C4orf50: variants seen among roughly 807,000 people sequenced by gnomAD.
The protein encoded by C4orf50 is uncharacterized protein C4orf50.
Under a neutral mutation model 77.2 loss-of-function variants are expected in C4orf50, and 80 were observed. The observed-to-expected ratio is 1.04, with a 90% CI of 0.87 to 1.25. The LOEUF is 1.25. Ranked by LOEUF, C4orf50 falls within the 50% of genes most tolerant of loss-of-function variation. The probability of loss-of-function intolerance (pLI) is 0.00; values close to 1 mark genes in which losing one functional copy is unlikely to be tolerated. For synonymous variants in C4orf50, 532 were observed against 465.3 expected, an observed-to-expected ratio of 1.14 and a Z score of -1.84; for missense variants, 1,257 against 1,152.9, an observed-to-expected ratio of 1.09 and a Z score of -1.31.
At chr4:5,967,386 G>A (rs9997727) in intron 32 of C4orf50, 28 bp downstream of exon 10, 1,036,282 of 1,595,050 alleles carry the variant, frequency 0.65, 343,763 homozygotes, top group Non-Finnish European at 0.67. Context: ...GAGCACACAG[G>A]CTTTTCCTGA....
chr4:5,993,396 A>G (rs757636238), intron 26 of C4orf50, among the ~76,000 whole-genome samples: 23 of 152,210 alleles, frequency 1.5e-4, no homozygotes, highest in Non-Finnish European at 2.6e-4. Context: ...TATGGAGGAT[A>G]ATACCATCCC....
At position 5,971,467 on chromosome 4, in the gene C4orf50, C is replaced by T. The variant is rs16837948; in HGVS notation, c.4104+2192G>A. On this transcript the variant is annotated intron_variant, in intron 31 of 33. Transcript: ENST00000531445. ...AGCCAGCCTGGAGCTCTCTGAATTTCTGAAACACATCACAATTTTTTTTTT... is the reference window on the plus strand; with the variant it reads ...AGCCAGCCTGGAGCTCTCTGAATTTTTGAAACACATCACAATTTTTTTTTT... Among the ~76,000 whole-genome samples the T allele has an allele frequency of 6.5e-3, 989 of 152,124 alleles. 8 individuals are homozygous for T. The highest frequency in any genetic ancestry group is 0.022 in the African/African-American group (926 of 41,488).
At chr4:5,963,622 A>C (rs1355426688) in intron 33 of C4orf50, among the ~76,000 whole-genome samples, 1 of 152,232 alleles carries the variant, frequency 6.6e-6, no homozygotes, top group Non-Finnish European at 1.5e-5. Context: ...GAGACAGGAA[A>C]GAATCCATGG....
intron 25 of C4orf50, among the ~76,000 whole-genome samples, chr4:5,996,923 A>C (rs1721616977): frequency 6.6e-6 from 1 of 152,186 alleles, no homozygotes; most frequent in Non-Finnish European, 1.5e-5. Flanking sequence ...TTCCCACTCA[A>C]CCAGAATTGC....
At chr4:5,965,274 C>CA (rs1553916444) in intron 32 of C4orf50, 129 bp from the exon 11 acceptor site, 3 of 901,384 alleles carry the variant, frequency 3.3e-6, no homozygotes, top group South Asian at 1.9e-5. Flanking sequence ...TTCCATGCCC[C>CA]GGGGCAGAGG....
At chr4:5,937,502 T>C (rs1220840439) in intron 7 of C4orf50, among the ~76,000 whole-genome samples, 1 of 152,078 alleles carries the variant, frequency 6.6e-6, no homozygotes, top group African/African-American at 2.4e-5. Context: ...AAAGGCAGGG[T>C]AAACAGTAAG....
intron 25 of C4orf50, among the ~76,000 whole-genome samples, chr4:6,004,021 GATAAT>G (rs1722021947): frequency 5.7e-5 from 7 of 122,416 alleles, no homozygotes; most frequent in African/African-American, 9.5e-5. Flanking sequence ...ATGTGATGGT[GATAAT>G]GTGATAGTGA....
At position 5,970,417 on chromosome 4, in the gene C4orf50, A is replaced by G. The variant is rs892662598; in HGVS notation, c.4105-2955T>C. On this transcript the variant is annotated intron_variant, in intron 31 of 33. Transcript: ENST00000531445. This position sits in a 1 kb window ranked among gnomAD's most constrained non-coding sequence, Gnocchi z 4.3. ...CAGGCTGACCTCGTGGGATTTCCCC[A>G]TCCCCAAAACAGGCACCTGAGCTGG... Among the ~76,000 whole-genome samples, 3 of 152,172 alleles carry G rather than the reference A, an allele frequency of 2.0e-5. No individual in the cohort carries two copies. The highest frequency in any genetic ancestry group is 4.4e-5 in the Non-Finnish European group (3 of 68,024).
chr4:5,953,960 C>T (rs1718839358), downstream of C4orf50, among the ~76,000 whole-genome samples: 1 of 152,246 alleles, frequency 6.6e-6, no homozygotes, highest in South Asian at 2.1e-4. Flanking sequence ...ATTTCAGCCC[C>T]TTCTGCCCTT....
At chr4:5,967,081 T>G (rs1276742308) in intron 32 of C4orf50, among the ~76,000 whole-genome samples, 1 of 152,256 alleles carries the variant, frequency 6.6e-6, no homozygotes, top group African/African-American at 2.4e-5. Flanking sequence ...TGAGGGTTCC[T>G]CCCAGTTTTT....
chr4:5,994,458 G>A lies in C4orf50; in HGVS notation c.982C>T (p.Gln328Ter), dbSNP rs927673102. ...CTGGGCAGGGGCAGTGAGTCACCCT[G>A]AACACAGCCCAGAGCATCCTGGAGG... Residue 328 changes from glutamine to a stop codon, truncating the protein, a stop_gained, in exon 26 of 34, where the codon CAG (glutamine) becomes TAG (stop). Coordinates refer to ENST00000531445, the Ensembl canonical transcript of C4orf50. LOFTEE classifies it high-confidence loss of function. 2.5e-6 allele frequency: 1 copy of A among 399,298 alleles called. No individual in the cohort carries two copies. Among genetic ancestry groups the A allele is most frequent in the Non-Finnish European group, 4.4e-6 (1 of 226,312 alleles). The allele number at this position is 399,298 out of a possible 1,614,324, so 24.7% of individuals were successfully genotyped here. A position where few individuals can be genotyped will look rare whatever the true frequency, so the allele number is the denominator to read the frequency against.
intron 7 of C4orf50, among the ~76,000 whole-genome samples, chr4:5,940,610 G>A (rs56380793): frequency 0.23 from 35,681 of 152,088 alleles, 5,334 homozygotes; most frequent in African/African-American, 0.42. Context: ...AAAGCTGGTT[G>A]CAAGAATCCC....
intron 7 of C4orf50, among the ~76,000 whole-genome samples, chr4:5,912,848 T>G (rs896172540): frequency 5.3e-5 from 8 of 152,190 alleles, no homozygotes; most frequent in African/African-American, 1.4e-4. Flanking sequence ...TATTTTTGCA[T>G]GTTCTCTAGT....
chr4:5,981,386 T>G (rs1395830390), intron 28 of C4orf50, among the ~76,000 whole-genome samples: 3 of 150,132 alleles, frequency 2.0e-5, no homozygotes, highest in African/African-American at 7.3e-5. Flanking sequence ...TATTTCCAGG[T>G]GAACAAAGTG....
rs1448454097 is a variant in C4orf50, at chr4:6,000,544, T to G, written c.964-6068A>C. Among the ~76,000 whole-genome samples, 1 of 152,158 alleles carries G rather than the reference T, an allele frequency of 6.6e-6. No homozygotes were observed. The highest frequency in any genetic ancestry group is 1.5e-5 in the Non-Finnish European group (1 of 68,022). On this transcript the variant is annotated intron_variant, in intron 25 of 33. Coordinates refer to ENST00000531445, the Ensembl canonical transcript of C4orf50. This position sits in a 1 kb window ranked among gnomAD's most constrained non-coding sequence, Gnocchi z 6.0. ...GGCAGCCTTGTCACATGCTGCAGCC[T>G]GGGTCCAGCCCCCACTGCAACACCA...
At position 6,015,296 on chromosome 4, in the gene C4orf50, T is replaced by C. The variant is rs1017456791; in HGVS notation, c.287+2849A>G. Among the ~76,000 whole-genome samples the C allele has an allele frequency of 2.0e-5, 3 of 152,064 alleles. No homozygotes were observed. Among genetic ancestry groups the C allele is most frequent in the Non-Finnish European group, 4.4e-5 (3 of 68,016 alleles). On this transcript the variant is annotated intron_variant, in intron 23 of 33. Coordinates refer to ENST00000531445, the Ensembl canonical transcript of C4orf50. This position sits in a 1 kb window ranked among gnomAD's most constrained non-coding sequence, Gnocchi z 4.4. The stretch of plus-strand genomic sequence containing the variant: ...CCCAGATCCAATCCGACTGGGGTCC[T>C]TGTAAGAGGAGGAGAGGAGGACACA...
At chr4:5,914,742 A>C (rs950208415) in intron 7 of C4orf50, among the ~76,000 whole-genome samples, 7 of 152,226 alleles carry the variant, frequency 4.6e-5, no homozygotes, top group African/African-American at 1.7e-4. Context: ...ATAGCATTAA[A>C]GTTATTTGTA....
At position 5,918,191 on chromosome 4, in the gene C4orf50, C is replaced by T. The variant is rs368988902; in HGVS notation, c.*2475-20003G>A. Among the ~76,000 whole-genome samples the T allele has an allele frequency of 1.2e-4, 19 of 152,244 alleles. No homozygotes were observed. In the South Asian group the frequency reaches 2.1e-3, roughly 17 times the overall value. ...GTCATATCATACAACCACCTCCCACCGCAGCAGGGATGGTGAGCTTCAGTT... is the reference window on the plus strand; with the variant it reads ...GTCATATCATACAACCACCTCCCACTGCAGCAGGGATGGTGAGCTTCAGTT... On this transcript the variant is annotated intron_variant, in intron 7 of 7. Coordinates refer to the C4orf50 transcript ENST00000324058.
downstream of C4orf50, among the ~76,000 whole-genome samples, chr4:5,954,735 C>T (rs1577927542): frequency 1.3e-5 from 2 of 152,220 alleles, no homozygotes; most frequent in South Asian, 4.1e-4. The surrounding 1 kb of genome is among the most constrained non-coding windows in gnomAD (Gnocchi z 4.7). Flanking sequence ...CAAATGTGGA[C>T]ATTTAGGGAA....
Sources: allele counts gnomAD v4.1 joint callset (sites outside exome capture counted in the v4.1 genomes callset), GRCh38; gene constraint gnomAD v4.1.1; non-coding constraint Gnocchi (gnomAD v3.1); transcripts MANE v1.5; gene names NCBI Gene and HGNC (gene_info 2026-07-23, HGNC 2026-07-21).